The following PDE3A variants were observed in gnomAD, a reference collection of about 807,000 sequenced individuals.
The protein encoded by PDE3A is phosphodiesterase 3A.
Under a neutral mutation model 98.3 loss-of-function variants are expected in PDE3A, and 43 were observed. The ratio of observed to expected loss-of-function variants is 0.44; its 90% CI spans 0.34 to 0.56. The LOEUF is 0.56. Ranked by LOEUF, PDE3A falls within the 20% of genes least tolerant of loss-of-function variation. The pLI, the probability that PDE3A is intolerant of heterozygous loss-of-function variation, is 0.01. For missense variants in PDE3A, 1,427 were observed against 1,440.7 expected, an observed-to-expected ratio of 0.99 and a Z score of 0.15; for synonymous variants, 663 against 567.9, an observed-to-expected ratio of 1.17 and a Z score of -2.38.
intron 1 of PDE3A, among the ~76,000 whole-genome samples, chr12:20,430,485 C>A (rs1591923839): frequency 1.3e-5 from 2 of 152,064 alleles, no homozygotes; most frequent in South Asian, 4.1e-4. Flanking sequence ...ACTAGTTTTT[C>A]TTTTGTCTAA....
Position 20,685,613 on chromosome 12 carries a change from T to G in PDE3A, c.*5342T>G, listed in dbSNP as rs78973990. 3.5e-4 allele frequency among the ~76,000 whole-genome samples: 54 copies of G among 152,180 alleles called. No homozygotes were observed. Among genetic ancestry groups the G allele is most frequent in the African/African-American group, 1.3e-3 (53 of 41,528 alleles). On this transcript the variant is annotated 3_prime_UTR_variant, in exon 16 of 16. Transcript: ENST00000359062. ...GAAAACAAAATTAGCTTTTGACATA[T>G]GTTTAAGTCTCTAAAAGGAATCCAC...
chr12:20,424,868 C>T (rs1257801248), intron 1 of PDE3A, among the ~76,000 whole-genome samples: 3 of 152,212 alleles, frequency 2.0e-5, no homozygotes, highest in East Asian at 3.8e-4. Context: ...AAATTTCGTT[C>T]ATTGTAACAC....
At chr12:20,377,671 T>G (rs1943596680) in intron 1 of PDE3A, among the ~76,000 whole-genome samples, 1 of 151,880 alleles carries the variant, frequency 6.6e-6, no homozygotes, top group South Asian at 2.1e-4. Flanking sequence ...TGTACCACTC[T>G]AATAGTTGCC....
chr12:20,652,382 C>A (rs574383952), intron 14 of PDE3A, among the ~76,000 whole-genome samples: 2 of 110,980 alleles, frequency 1.8e-5, no homozygotes, highest in African/African-American at 5.6e-5. Flanking sequence ...TACAGTCCCA[C>A]CAACAGTGTA....
intron 1 of PDE3A, among the ~76,000 whole-genome samples, chr12:20,532,625 G>A (rs1941633780): frequency 6.6e-6 from 1 of 151,394 alleles, no homozygotes; most frequent in African/African-American, 2.4e-5. Flanking sequence ...ACTGACAAGA[G>A]AAATAACATT....
At chr12:20,618,274 T>G (rs1331113692) in intron 4 of PDE3A, among the ~76,000 whole-genome samples, 1 of 152,138 alleles carries the variant, frequency 6.6e-6, no homozygotes, top group Non-Finnish European at 1.5e-5. Flanking sequence ...TACAGCTAGT[T>G]TTGGCTTGAT....
chr12:20,449,898 C>T (rs1287776151), intron 1 of PDE3A: 23 of 773,802 alleles, frequency 3.0e-5, no homozygotes, highest in South Asian at 1.4e-4. Context: ...GTGTGCTCTT[C>T]GGTGGTTTGA....
At chr12:20,565,808 A>C (rs1198970712) in intron 2 of PDE3A, among the ~76,000 whole-genome samples, 2 of 151,898 alleles carry the variant, frequency 1.3e-5, no homozygotes, top group Non-Finnish European at 2.9e-5. Context: ...ATGTATAAAT[A>C]TGTGTTTCTA....
At position 20,525,219 on chromosome 12, in the gene PDE3A, T is replaced by C. The variant is rs937807617; in HGVS notation, c.961-31441T>C. ...CTGTGCGTCAGTTTCCTCATCTGTA[T>C]AAAAGGAATAGTAATATATGTGTTG... On this transcript the variant is annotated intron_variant, in intron 1 of 15. Transcript: ENST00000359062. Among the ~76,000 whole-genome samples the C allele has an allele frequency of 8.5e-5, 13 of 152,274 alleles. No individual in the cohort carries two copies. In the South Asian group the frequency reaches 2.7e-3, roughly 32 times the overall value.
chr12:20,512,794 T>C (rs1026178879), intron 1 of PDE3A, among the ~76,000 whole-genome samples: 1 of 152,090 alleles, frequency 6.6e-6, no homozygotes, highest in Non-Finnish European at 1.5e-5. Flanking sequence ...TGATGACAGA[T>C]TCAGAAGTGC....
At chr12:20,664,226 G>GT (rs1945252219) in intron 15 of PDE3A, among the ~76,000 whole-genome samples, 1 of 152,062 alleles carries the variant, frequency 6.6e-6, no homozygotes, top group Non-Finnish European at 1.5e-5. Flanking sequence ...GTCTTGAGCA[G>GT]TTTTTTATAG....
At chr12:20,584,847 G>C (rs1943152855) in intron 2 of PDE3A, among the ~76,000 whole-genome samples, 1 of 151,982 alleles carries the variant, frequency 6.6e-6, no homozygotes. Flanking sequence ...CTTAAAGCAA[G>C]CTACCTGTTT....
intron 1 of PDE3A, among the ~76,000 whole-genome samples, chr12:20,430,386 T>A (rs918172323): frequency 2.0e-5 from 3 of 152,206 alleles, no homozygotes; most frequent in Admixed American, 6.5e-5. Context: ...TTTGTTTTAA[T>A]CAAGGAAGTT....
At chr12:20,557,791 A>T (rs1425230520) in intron 2 of PDE3A, among the ~76,000 whole-genome samples, 1 of 152,138 alleles carries the variant, frequency 6.6e-6, no homozygotes, top group Non-Finnish European at 1.5e-5. Flanking sequence ...TTAAATTAGG[A>T]TCATCTAAAA....
At chr12:20,375,300 A>G (rs529679628) in intron 1 of PDE3A, among the ~76,000 whole-genome samples, 143 of 152,028 alleles carry the variant, frequency 9.4e-4, no homozygotes, top group African/African-American at 3.4e-3. Context: ...AATTACCTAT[A>G]TATACTTTCA....
Position 20,400,379 on chromosome 12 carries a change from GTTTTTTTTTTTTTTTT to G in PDE3A, c.960+30165_960+30180del, listed in dbSNP as rs75851941. ...AGCTCATGTTGACTCGTTAACATTG[GTTTTTTTTTTTTTTTT>G]TTTTTTTTTTTTTTTTTTTTTTTTT... On this transcript the variant is annotated intron_variant, in intron 1 of 15. Transcript: ENST00000359062. Among the ~76,000 whole-genome samples the G allele has an allele frequency of 2.3e-3, 259 of 110,260 alleles. 2 individuals are homozygous for G. Among genetic ancestry groups the G allele is most frequent in the African/African-American group, 9.4e-3 (226 of 24,100 alleles). 72.3% of individuals were successfully genotyped at this position (110,260 alleles called of 152,430 possible). A position where few individuals can be genotyped will look rare whatever the true frequency, so the allele number is the denominator to read the frequency against.
intron 1 of PDE3A, among the ~76,000 whole-genome samples, chr12:20,382,096 T>C (rs1236693627): frequency 9.9e-5 from 15 of 151,996 alleles, no homozygotes; most frequent in African/African-American, 3.1e-4. Flanking sequence ...AAATTTAGTG[T>C]GAATAAAAAT....
intron 1 of PDE3A, among the ~76,000 whole-genome samples, chr12:20,408,295 A>G (rs758802121): frequency 9.2e-5 from 14 of 152,242 alleles, no homozygotes; most frequent in Non-Finnish European, 1.5e-4. Flanking sequence ...CTATAAGAGT[A>G]TGGCTGAAGT....
chr12:20,601,372 C>T (rs1314236122), intron 2 of PDE3A, among the ~76,000 whole-genome samples: 1 of 152,056 alleles, frequency 6.6e-6, no homozygotes, highest in African/African-American at 2.4e-5. Flanking sequence ...GGAAGATGTC[C>T]TGGATTAAGT....
Sources: allele counts gnomAD v4.1 joint callset (sites outside exome capture counted in the v4.1 genomes callset), GRCh38; gene constraint gnomAD v4.1.1; transcripts MANE v1.5; gene names NCBI Gene and HGNC (gene_info 2026-07-23, HGNC 2026-07-21).